Variants in CCDC88C observed in about 807,000 individuals in gnomAD.
CCDC88C encodes the protein protein Daple.
Under a neutral mutation model 198.8 loss-of-function variants are expected in CCDC88C, and 131 were observed. The ratio of observed to expected loss-of-function variants is 0.66; its 90% CI spans 0.57 to 0.76. The LOEUF (loss-of-function observed/expected upper bound fraction) is 0.76, where lower values mean the gene tolerates loss of function less well. Ranked by LOEUF, CCDC88C falls within the 30% of genes least tolerant of loss-of-function variation. CCDC88C has a pLI of 0.00. For missense variants in CCDC88C, 2,553 were observed against 2,631.6 expected (o/e 0.97, Z 0.65); for synonymous variants, 1,166 against 1,114.7 (o/e 1.05, Z -0.92).
intron 12 of CCDC88C, among the ~76,000 whole-genome samples, chr14:91,321,738 C>T (rs966128589): frequency 3.3e-5 from 5 of 152,318 alleles, no homozygotes; most frequent in Non-Finnish European, 5.9e-5. Flanking sequence ...TGACCACTCC[C>T]GTTGGCCATG....
chr14:91,302,890 T>C (rs192461490), intron 20 of CCDC88C, among the ~76,000 whole-genome samples: 8 of 152,092 alleles, frequency 5.3e-5, no homozygotes, highest in Non-Finnish European at 1.2e-4. Context: ...ATTTCTGTTT[T>C]GGGGAGAAAA....
chr14:91,363,510 T>C (rs889854806), intron 3 of CCDC88C, among the ~76,000 whole-genome samples: 2 of 152,192 alleles, frequency 1.3e-5, no homozygotes, highest in Admixed American at 6.5e-5. Flanking sequence ...TACTTGACTG[T>C]TTCCAGATTT....
In CCDC88C at chr14:91,288,260, C is replaced by T. The variant is rs1890504574; in HGVS notation, c.4441+845G>A. 6.6e-6 allele frequency among the ~76,000 whole-genome samples: 1 copy of T among 152,188 alleles called. No individual in the cohort carries two copies. The highest frequency in any genetic ancestry group is 2.1e-4 in the South Asian group (1 of 4,834). On this transcript the variant is annotated intron_variant, in intron 25 of 29. Transcript: ENST00000389857. This position sits in a 1 kb window ranked among gnomAD's most constrained non-coding sequence, Gnocchi z 4.2. ...AGCATACATGATGAGAAATCCTGTT[C>T]TTGTTTCAGAACCTCTGGCAAACTC...
intron 3 of CCDC88C, among the ~76,000 whole-genome samples, chr14:91,385,128 T>C (rs1885048246): frequency 6.6e-6 from 1 of 152,106 alleles, no homozygotes. Flanking sequence ...AGTTTTACTT[T>C]GAGGTTTGGG....
chr14:91,298,844 C>T (rs1291300587), intron 21 of CCDC88C, among the ~76,000 whole-genome samples: 1 of 152,200 alleles, frequency 6.6e-6, no homozygotes, highest in Admixed American at 6.5e-5. Context: ...GGAAGAATTT[C>T]GTATGGTCAA....
At chr14:91,394,334 G>A (rs993186138) in intron 3 of CCDC88C, among the ~76,000 whole-genome samples, 5 of 152,250 alleles carry the variant, frequency 3.3e-5, no homozygotes, top group Non-Finnish European at 7.4e-5. Flanking sequence ...CCTCCATACC[G>A]GTTTACCCCT....
intron 12 of CCDC88C, among the ~76,000 whole-genome samples, chr14:91,323,258 A>G (rs1466957309): frequency 1.3e-5 from 2 of 152,186 alleles, no homozygotes. Flanking sequence ...CAACCAGAGT[A>G]ACTGGGTATG....
chr14:91,333,112 C>T (rs1238186631), intron 10 of CCDC88C, among the ~76,000 whole-genome samples: 1 of 152,214 alleles, frequency 6.6e-6, no homozygotes, highest in Non-Finnish European at 1.5e-5. Flanking sequence ...GTTCATATTT[C>T]CATTTGGATG....
intron 3 of CCDC88C, among the ~76,000 whole-genome samples, chr14:91,406,159 C>T (rs1886473142): frequency 6.6e-6 from 1 of 152,240 alleles, no homozygotes; most frequent in Non-Finnish European, 1.5e-5. Flanking sequence ...CTCAAACCCA[C>T]ACAGTCTCAA....
chr14:91,331,966 C>A (rs1053606647), intron 10 of CCDC88C, among the ~76,000 whole-genome samples: 1 of 151,822 alleles, frequency 6.6e-6, no homozygotes, highest in African/African-American at 2.4e-5. Flanking sequence ...TGGGTGTAGA[C>A]TCTGCCCAGC....
chr14:91,277,669 G>C (rs746378289), intron 29 of CCDC88C, among the ~76,000 whole-genome samples: 1 of 152,198 alleles, frequency 6.6e-6, no homozygotes, highest in Admixed American at 6.5e-5. Flanking sequence ...TGCTGGCCAC[G>C]CACCCTTGGT....
intron 3 of CCDC88C, among the ~76,000 whole-genome samples, chr14:91,367,991 C>A (rs1894618753): frequency 6.6e-6 from 1 of 152,176 alleles, no homozygotes; most frequent in South Asian, 2.1e-4. Context: ...CCTCAGCCCC[C>A]TTCTGCGGCA....
intron 3 of CCDC88C, among the ~76,000 whole-genome samples, chr14:91,393,859 AAAG>A (rs1266102172): frequency 4.6e-5 from 7 of 152,360 alleles, no homozygotes; most frequent in Admixed American, 2.6e-4. Flanking sequence ...GTCTCAAAAA[AAAG>A]AAATCAACTT....
intron 3 of CCDC88C, among the ~76,000 whole-genome samples, chr14:91,377,663 C>A (rs889784163): frequency 1.3e-5 from 2 of 152,182 alleles, no homozygotes; most frequent in Non-Finnish European, 2.9e-5. Flanking sequence ...AGATGCACCC[C>A]TGAGAATTAT....
intron 26 of CCDC88C, among the ~76,000 whole-genome samples, chr14:91,281,924 GAAGA>G (rs2139726260): frequency 6.6e-6 from 1 of 152,284 alleles, no homozygotes; most frequent in Admixed American, 6.5e-5. Flanking sequence ...GAGGAAGAAG[GAAGA>G]AAAAGAGGCA....
intron 3 of CCDC88C, among the ~76,000 whole-genome samples, chr14:91,382,505 G>C (rs968813428): frequency 2.6e-5 from 4 of 152,216 alleles, no homozygotes; most frequent in Non-Finnish European, 5.9e-5. Flanking sequence ...CCCTAAGAAA[G>C]CTGTTCCATC....
At chr14:91,308,704 C>T (rs1210086689) in intron 16 of CCDC88C, among the ~76,000 whole-genome samples, 2 of 152,096 alleles carry the variant, frequency 1.3e-5, no homozygotes, top group Non-Finnish European at 2.9e-5. Context: ...CCTTCAAAGG[C>T]GACACCACGG....
At chr14:91,376,426 G>A (rs538424645) in intron 3 of CCDC88C, among the ~76,000 whole-genome samples, 9 of 152,090 alleles carry the variant, frequency 5.9e-5, no homozygotes, top group African/African-American at 2.2e-4. Flanking sequence ...GAGCCAGGGC[G>A]TTATAGTGAA....
chr14:91,303,788 G>A lies in CCDC88C; in HGVS notation c.3548C>T (p.Ala1183Val). Residue 1183 changes from alanine (A) to valine (V), a missense_variant, in exon 20 of 30, where the codon GCC becomes GTC. By Grantham distance (64) the Ala-to-Val change is moderately conservative (BLOSUM62 0). Around this residue, in one of 2 missense-constraint regions of CCDC88C, gnomAD observed 1,293 missense variants for 1,219.6 expected, o/e 1.06. Transcript: ENST00000389857. The stretch of plus-strand genomic sequence containing the variant: ...CTGGCGGATGAGGGCCTCGTACTCG[G>A]CCGATTGCCGCTCGTGCAGCGTGCC... ...HLGTLHERQS[A>V]EYEALIRQHS... 1.2e-6 allele frequency: 2 copies of A among 1,613,388 alleles called. No homozygotes were observed. Among genetic ancestry groups the A allele is most frequent in the Non-Finnish European group, 1.7e-6 (2 of 1,179,878 alleles).
Sources: allele counts gnomAD v4.1 joint callset (sites outside exome capture counted in the v4.1 genomes callset), GRCh38; gene constraint gnomAD v4.1.1; regional missense constraint gnomAD v4.1.1; non-coding constraint Gnocchi (gnomAD v3.1); transcripts MANE v1.5; gene names NCBI Gene and HGNC (gene_info 2026-07-23, HGNC 2026-07-21).